The following SRGAP3 variants were observed in gnomAD, a reference collection of about 807,000 sequenced individuals.
SRGAP3 encodes SLIT-ROBO Rho GTPase-activating protein 3.
SRGAP3 carries 39 observed loss-of-function variants against 121.1 expected under a neutral mutation model. The ratio of observed to expected loss-of-function variants is 0.32; its 90% CI spans 0.25 to 0.42. SRGAP3 has a LOEUF of 0.42. Ranked by LOEUF, SRGAP3 falls within the 10% of genes least tolerant of loss-of-function variation. SRGAP3 has a pLI of 1.00. For synonymous variants in SRGAP3, 601 were observed against 570.0 expected, an observed-to-expected ratio of 1.05 and a Z score of -0.77; for missense variants, 1,213 against 1,470.6, an observed-to-expected ratio of 0.82 and a Z score of 2.86.
intron 3 of SRGAP3, among the ~76,000 whole-genome samples, chr3:9,300,010 CA>C (rs1477511443): frequency 1.3e-5 from 2 of 151,500 alleles, no homozygotes; most frequent in African/African-American, 4.9e-5. Flanking sequence ...CTCTCTGCAA[CA>C]TTTTTCCCAT....
At position 9,025,255 on chromosome 3, in the gene SRGAP3, A is replaced by C. The variant is rs761878994; in HGVS notation, c.1678+6T>G. 1 of 1,614,076 alleles carries C rather than the reference A, an allele frequency of 6.2e-7. No homozygotes were observed. Among genetic ancestry groups the C allele is most frequent in the East Asian group, 2.2e-5 (1 of 44,876 alleles). The stretch of plus-strand genomic sequence containing the variant: ...CACAAGCCTAAGATGGTCGCTCTGC[A>C]CCCACCTCTCTCAAAGGAATTTTTG... On this transcript the variant is annotated splice_donor_region_variant and intron_variant, in intron 14 of 21. Transcript: ENST00000383836.
chr3:9,159,789 G>C (rs571899258), intron 1 of SRGAP3, among the ~76,000 whole-genome samples: 4 of 152,246 alleles, frequency 2.6e-5, no homozygotes, highest in East Asian at 3.9e-4. Context: ...GCGCCACATG[G>C]AGCCTTTCCC....
intron 8 of SRGAP3, among the ~76,000 whole-genome samples, chr3:9,053,549 G>T (rs1352416042): frequency 6.6e-6 from 1 of 152,174 alleles, no homozygotes; most frequent in Non-Finnish European, 1.5e-5. Context: ...GCCTAATTAT[G>T]TAACTCAAAA....
chr3:9,256,637 T>A (rs1954138545), intron 3 of SRGAP3: 1 of 394,418 alleles, frequency 2.5e-6, no homozygotes, highest in South Asian at 1.4e-4. Flanking sequence ...CTTAGTCTGA[T>A]GCACATTTCC....
chr3:9,321,158 C>T lies in SRGAP3; in HGVS notation n.442+4852G>A, dbSNP rs74419973. Among the ~76,000 whole-genome samples, 13 of 151,868 alleles carry T rather than the reference C, an allele frequency of 8.6e-5. No homozygotes were observed. In the East Asian group the frequency reaches 2.5e-3, roughly 29 times the overall value. ...ACACATGTGGGTGTTCAGACAACAG[C>T]CCCAGCTAGCCCTCAGCCAACAGTC... On this transcript the variant is annotated intron_variant and non_coding_transcript_variant, in intron 3 of 3. Transcript: ENST00000490889.
chr3:9,337,176 A>C (rs990021151), intron 1 of SRGAP3, among the ~76,000 whole-genome samples: 3 of 152,170 alleles, frequency 2.0e-5, no homozygotes, highest in South Asian at 2.1e-4. Flanking sequence ...CAGGCCTTCA[A>C]CTGGTTTTAT....
chr3:9,352,887 T>G (rs2030272717), intron 1 of SRGAP3, among the ~76,000 whole-genome samples: 1 of 152,272 alleles, frequency 6.6e-6, no homozygotes, highest in Non-Finnish European at 1.5e-5. Context: ...GTATGTGCTC[T>G]GTAAATGCTG....
chr3:9,117,459 G>T (rs1036719653), intron 2 of SRGAP3, among the ~76,000 whole-genome samples: 1 of 152,212 alleles, frequency 6.6e-6, no homozygotes, highest in Non-Finnish European at 1.5e-5. Context: ...CTTTGCACAG[G>T]ATATCTGCAT....
At chr3:9,347,620 A>C (rs1955930535) in intron 1 of SRGAP3, among the ~76,000 whole-genome samples, 1 of 152,194 alleles carries the variant, frequency 6.6e-6, no homozygotes, top group Non-Finnish European at 1.5e-5. Context: ...CTAGCAGAAA[A>C]GAGGAGACAG....
chr3:9,231,480 G>GT (rs1222931943), intron 1 of SRGAP3, among the ~76,000 whole-genome samples: 2 of 152,216 alleles, frequency 1.3e-5, no homozygotes. Context: ...TTGGATAAAT[G>GT]TTTTTTAATT....
intron 2 of SRGAP3, among the ~76,000 whole-genome samples, chr3:9,120,951 G>T (rs527864690): frequency 1.3e-5 from 2 of 152,284 alleles, no homozygotes; most frequent in Non-Finnish European, 2.9e-5. Flanking sequence ...TTGCCCAGGT[G>T]GGGAGGGAAT....
rs796549025 is a variant in SRGAP3, at chr3:8,984,106, C to T, written c.*1413G>A. The T allele has an allele frequency of 3.0e-5, 7 of 231,992 alleles. No homozygotes were observed. Among genetic ancestry groups the T allele is most frequent in the African/African-American group, 1.5e-4 (7 of 45,266 alleles). 14.4% of individuals were successfully genotyped at this position (231,992 alleles called of 1,614,324 possible). On this transcript the variant is annotated 3_prime_UTR_variant, in exon 22 of 22. Coordinates refer to ENST00000383836, the MANE Select transcript of SRGAP3 (RefSeq NM_014850.4). ...CTTTACTTGGCCAAGAGGCAAAGGC[C>T]TGGCTGTCACACGTGAAGATCATGC... is the stretch of plus-strand genomic sequence containing the variant.
At chr3:9,194,971 C>A (rs962464314) in intron 1 of SRGAP3, among the ~76,000 whole-genome samples, 1 of 152,216 alleles carries the variant, frequency 6.6e-6, no homozygotes, top group African/African-American at 2.4e-5. Context: ...AGATTATACC[C>A]AGTGCTGTGT....
intron 15 of SRGAP3, chr3:9,014,058 A>G (rs1405460470): frequency 8.3e-6 from 5 of 603,366 alleles, no homozygotes; most frequent in South Asian, 1.8e-5. Context: ...TCAAGAACCA[A>G]TCAGAGTCGA....
intron 3 of SRGAP3, among the ~76,000 whole-genome samples, chr3:9,285,981 C>T (rs1195138047): frequency 2.6e-5 from 4 of 151,750 alleles, no homozygotes; most frequent in Non-Finnish European, 5.9e-5. Flanking sequence ...AGCTTAGTGA[C>T]GTGCACCTGT....
intron 1 of SRGAP3, among the ~76,000 whole-genome samples, chr3:9,357,545 T>C (rs2030585883): frequency 1.3e-5 from 2 of 150,334 alleles, no homozygotes; most frequent in South Asian, 4.2e-4. Context: ...CCTGGCTTGA[T>C]AATTTATCCT....
At chr3:9,100,215 T>C (rs879265657) in intron 3 of SRGAP3, among the ~76,000 whole-genome samples, 5 of 152,300 alleles carry the variant, frequency 3.3e-5, no homozygotes, top group Admixed American at 2.6e-4. Context: ...GTTTTTTCCT[T>C]CGACCTCCAT....
chr3:9,104,096 T>C (rs1948320571), intron 3 of SRGAP3, among the ~76,000 whole-genome samples: 1 of 152,216 alleles, frequency 6.6e-6, no homozygotes, highest in South Asian at 2.1e-4. Flanking sequence ...ATCTATATAA[T>C]GAAATACTGT....
At chr3:9,045,238 A>C (rs1945206139) in intron 10 of SRGAP3, among the ~76,000 whole-genome samples, 1 of 152,044 alleles carries the variant, frequency 6.6e-6, no homozygotes, top group African/African-American at 2.4e-5. Context: ...GTCTATCAAG[A>C]ACCATCCATT....
Sources: gnomAD v4.1 joint callset for allele counts (sites outside exome capture counted in the v4.1 genomes callset) on GRCh38, gnomAD v4.1.1 for gene constraint, MANE v1.5 for transcripts, NCBI Gene and HGNC (gene_info 2026-07-23, HGNC 2026-07-21) for gene names.